PEX1: variants seen among roughly 807,000 people sequenced by gnomAD.
PEX1 encodes the protein peroxisomal biogenesis factor 1.
In PEX1, 97 loss-of-function variants were observed where a neutral mutation model predicts 152.5. The observed-to-expected ratio is 0.64, with a 90% CI of 0.54 to 0.75. The LOEUF is 0.75. Ranked by LOEUF, PEX1 falls within the 30% of genes least tolerant of loss-of-function variation. The pLI, the probability that PEX1 is intolerant of heterozygous loss-of-function variation, is 0.00. For missense variants in PEX1, 1,357 were observed against 1,516.3 expected (o/e 0.89, Z 1.74); for synonymous variants, 485 against 531.6 (o/e 0.91, Z 1.21).
At position 92,501,562 on chromosome 7, in the gene PEX1, C is replaced by G; in HGVS notation, c.2528G>C (p.Gly843Ala). 6.2e-7 allele frequency: 1 copy of G among 1,613,964 alleles called. No individual in the cohort carries two copies. Among genetic ancestry groups the G allele is most frequent in the Non-Finnish European group, 8.5e-7 (1 of 1,179,898 alleles). ...KPRDLGWDKIGGLHEVRQILM... is the reference protein window; with the variant it reads ...KPRDLGWDKIAGLHEVRQILM... The stretch of plus-strand genomic sequence containing the variant: ...TATCTGCCTAACTTCATGTAACCCA[C>G]CAATCTTGTCCCAACCCAGGTCTCT... The change falls in exon 15 of 24, where the codon GGT becomes GCT. Residue 843 changes from glycine (G) to alanine (A), a missense_variant. Coordinates refer to ENST00000248633, the MANE Select transcript of PEX1 (RefSeq NM_000466.3).
rs188532540 is a variant in PEX1, at chr7:92,493,834, T to C, written c.3030+459A>G. ...TGACTATTCATTTGTCTATCTGTTCTTTCATTCATTTATTTGTTTGCTTCT... is the reference window on the plus strand; with the variant it reads ...TGACTATTCATTTGTCTATCTGTTCCTTCATTCATTTATTTGTTTGCTTCT... On this transcript the variant is annotated intron_variant, in intron 19 of 23. Coordinates refer to ENST00000248633, the MANE Select transcript of PEX1 (RefSeq NM_000466.3). 923 of 193,376 alleles carry C rather than the reference T, an allele frequency of 4.8e-3. 5 individuals carry two copies. The highest frequency in any genetic ancestry group is 0.015 in the South Asian group (150 of 9,928). 12.0% of individuals were successfully genotyped at this position (193,376 alleles called of 1,614,324 possible).
At chr7:92,489,673 A>T in intron 22 of PEX1, 41 bp downstream of exon 22, 1 of 1,556,124 alleles carries the variant, frequency 6.4e-7, no homozygotes, top group Non-Finnish European at 8.9e-7. Context: ...AACAATTTTT[A>T]AGAAGTTTTA....
Position 92,496,177 on chromosome 7 carries a change from T to A in PEX1, c.2783+536A>T, listed in dbSNP as rs192638983. 2.6e-5 allele frequency among the ~76,000 whole-genome samples: 4 copies of A among 152,240 alleles called. No individual in the cohort carries two copies. In the East Asian group the frequency reaches 5.8e-4, roughly 22 times the overall value. On this transcript the variant is annotated intron_variant, in intron 17 of 23. Coordinates refer to ENST00000248633, the MANE Select transcript of PEX1 (RefSeq NM_000466.3). The stretch of plus-strand genomic sequence containing the variant: ...TTAACTGTATACTTTATAATAAAAT[T>A]TTTGGAAGAATAAAACAGTAACTTT...
At chr7:92,514,598 C>A (rs1289083457) in intron 5 of PEX1, among the ~76,000 whole-genome samples, 1 of 152,044 alleles carries the variant, frequency 6.6e-6, no homozygotes, top group Non-Finnish European at 1.5e-5. Flanking sequence ...AGACAATCTG[C>A]CTGATTGTCT....
intron 2 of PEX1, 70 bp downstream of exon 2, chr7:92,522,032 C>T: frequency 2.0e-6 from 3 of 1,522,824 alleles, no homozygotes; most frequent in Admixed American, 1.7e-5. Flanking sequence ...AAAATCTAAA[C>T]TTTTAATTTT....
chr7:92,522,416 A>G (rs985422936), intron 1 of PEX1, among the ~76,000 whole-genome samples, 171 bp from the exon 2 acceptor site: 4 of 147,374 alleles, frequency 2.7e-5, no homozygotes, highest in Non-Finnish European at 6.0e-5. Context: ...TCCAACACCC[A>G]ATGCTGGTGG....
intron 8 of PEX1, among the ~76,000 whole-genome samples, chr7:92,510,677 G>T (rs528550602): frequency 6.6e-6 from 1 of 152,036 alleles, no homozygotes; most frequent in Admixed American, 6.6e-5. Context: ...TTTAAATCAT[G>T]ATCCATTTAC....
intron 2 of PEX1, 94 bp downstream of exon 2, chr7:92,522,008 A>C: frequency 7.8e-7 from 1 of 1,274,240 alleles, no homozygotes; most frequent in South Asian, 1.2e-5. Flanking sequence ...GTGACATCTC[A>C]CCTCCTTTAA....
chr7:92,505,007 AAAAATTTGATCTATATTTTATTAAT>A, intron 11 of PEX1, 105 bp from the exon 12 acceptor site: 1 of 825,470 alleles, frequency 1.2e-6, no homozygotes, highest in Non-Finnish European at 2.0e-6. Context: ...ATTTAACTAT[AAAAATTTGATCTATATTTTATTAAT>A]ATACCCATCA....
rs546337969 is a variant in PEX1 at position 92,497,474 on chromosome 7, T to C, written c.2719-697A>G. On this transcript the variant is annotated intron_variant, in intron 16 of 23. Coordinates refer to ENST00000248633, the MANE Select transcript of PEX1 (RefSeq NM_000466.3). ...AGGCCAAAAAAAAAAAAAGAGAATA[T>C]ATAATCTTCCCTAAAAGCCAACTGA... is the stretch of plus-strand genomic sequence containing the variant. Among the ~76,000 whole-genome samples, 6 of 150,426 alleles carry C rather than the reference T, an allele frequency of 4.0e-5. No individual in the cohort carries two copies. In the East Asian group the frequency reaches 5.9e-4, roughly 15 times the overall value.
intron 6 of PEX1, among the ~76,000 whole-genome samples, chr7:92,512,912 T>G (rs1447844157): frequency 6.6e-6 from 1 of 152,136 alleles, no homozygotes; most frequent in African/African-American, 2.4e-5. Context: ...ATTACAGGTG[T>G]GAGCCACTGG....
Position 92,513,982 on chromosome 7 carries a change from TA to T in PEX1, c.1240-16del. 1.4e-6 allele frequency: 2 copies of T among 1,451,740 alleles called. No individual in the cohort carries two copies. The highest frequency in any genetic ancestry group is 1.9e-6 in the Non-Finnish European group (2 of 1,041,136). The allele number at this position is 1,451,740 out of a possible 1,614,324, so 89.9% of individuals were successfully genotyped here. On this transcript the variant is annotated splice_polypyrimidine_tract_variant and intron_variant, in intron 5 of 23. Coordinates refer to ENST00000248633, the MANE Select transcript of PEX1 (RefSeq NM_000466.3). Reference sequence around the variant, plus strand: ...TCATCTGGAATCTGAAATTTAAAAATAAACAAAAATATAAATATATTCAAAG... The same window carrying T: ...TCATCTGGAATCTGAAATTTAAAAATAACAAAAATATAAATATATTCAAAG...
chr7:92,493,070 A>T lies in PEX1; in HGVS notation c.3090T>A (p.Val1030=). The part of the protein sequence containing the change: ...LSDSLPLADD[V]DLQHVASVTD... The stretch of plus-strand genomic sequence containing the variant: ...TTACTGATGCTACATGCTGAAGGTC[A>T]ACATCATCTGCCAGAGGTAGAGAGT... The change falls in exon 20 of 24, where the codon GTT becomes GTA. Residue 1030 remains valine (V), a synonymous_variant. Coordinates refer to ENST00000248633, the MANE Select transcript of PEX1 (RefSeq NM_000466.3). 1 of 1,613,030 alleles carries T rather than the reference A, an allele frequency of 6.2e-7. No individual in the cohort carries two copies. Among genetic ancestry groups the T allele is most frequent in the Non-Finnish European group, 8.5e-7 (1 of 1,178,996 alleles).
chr7:92,523,570 C>T (rs1275895862), intron 1 of PEX1, among the ~76,000 whole-genome samples: 4 of 152,142 alleles, frequency 2.6e-5, no homozygotes, highest in East Asian at 1.9e-4. Context: ...CCTCCCACCT[C>T]GGCCTCCCAA....
At chr7:92,506,682 G>A (rs1402713490) in intron 10 of PEX1, 2 of 496,094 alleles carry the variant, frequency 4.0e-6, no homozygotes, top group Non-Finnish European at 7.3e-6. Flanking sequence ...ATGCAAGGCT[G>A]GTTCAACATT....
At position 92,503,112 on chromosome 7, in the gene PEX1, G is replaced by A. The variant is rs1562854928; in HGVS notation, c.2155C>T (p.His719Tyr). 3 of 1,613,652 alleles carry A rather than the reference G, an allele frequency of 1.9e-6. No homozygotes were observed. The highest frequency in any genetic ancestry group is 2.2e-5 in the South Asian group (2 of 91,072). ...IATSQSQQSL[H>Y]PLLVSAQGVH... ...CCTTGAGCAGAAACAAGTAAAGGAT[G>A]TAGAGATTGCTGAGACTGACTTGTG... Residue 719 changes from histidine (H) to tyrosine (Y), a missense_variant, in exon 13 of 24, where the codon CAT becomes TAT. Transcript: ENST00000248633.
chr7:92,527,312 G>C (rs988746661), intron 1 of PEX1, among the ~76,000 whole-genome samples: 1 of 152,156 alleles, frequency 6.6e-6, no homozygotes. Context: ...AGCTGACAGA[G>C]CACTGAACCA....
Position 92,493,106 on chromosome 7 carries a change from A to G in PEX1, c.3054T>C (p.Asn1018=). 1 of 1,606,456 alleles carries G rather than the reference A, an allele frequency of 6.2e-7. No homozygotes were observed. Among genetic ancestry groups the G allele is most frequent in the East Asian group, 2.2e-5 (1 of 44,682 alleles). The change falls in exon 20 of 24, where the codon AAT becomes AAC. Residue 1018 remains asparagine, a synonymous_variant. Coordinates refer to ENST00000248633, the MANE Select transcript of PEX1 (RefSeq NM_000466.3). ...CCAGAGGTAGAGAGTCACTGAGGAC[A>G]TTTAAAATTTCAAGACGTGACACCT... ...PDQVSRLEIL[N]VLSDSLPLAD...
chr7:92,526,055 T>G (rs1173320109), intron 1 of PEX1, among the ~76,000 whole-genome samples: 8 of 152,152 alleles, frequency 5.3e-5, no homozygotes, highest in Non-Finnish European at 7.3e-5. Flanking sequence ...GAGTGAGCTA[T>G]AGACAAGAGG....
Sources: gnomAD v4.1 joint callset for allele counts (sites outside exome capture counted in the v4.1 genomes callset) on GRCh38, gnomAD v4.1.1 for gene constraint, MANE v1.5 for transcripts, NCBI Gene and HGNC (gene_info 2026-07-23, HGNC 2026-07-21) for gene names.